ARHGEF26: variants seen among roughly 807,000 people sequenced by gnomAD.
ARHGEF26 encodes Rho guanine nucleotide exchange factor (GEF) 26.
A neutral mutation model predicts 89.4 loss-of-function variants in ARHGEF26; 59 were observed. The observed-to-expected ratio is 0.66, with a 90% CI of 0.54 to 0.82. The LOEUF (loss-of-function observed/expected upper bound fraction) is 0.82, where lower values mean the gene tolerates loss of function less well. Ranked by LOEUF, ARHGEF26 falls within the 40% of genes least tolerant of loss-of-function variation. ARHGEF26 has a pLI of 0.00. For missense variants in ARHGEF26, 1,234 were observed against 1,085.6 expected, an observed-to-expected ratio of 1.14 and a Z score of -1.92; for synonymous variants, 500 against 428.4, an observed-to-expected ratio of 1.17 and a Z score of -2.06.
At chr3:154,194,275 C>T (rs1481420891) in intron 8 of ARHGEF26, among the ~76,000 whole-genome samples, 2 of 152,178 alleles carry the variant, frequency 1.3e-5, no homozygotes, top group Non-Finnish European at 2.9e-5. Flanking sequence ...TTATCATTAA[C>T]ACTTCTAACA....
intron 9 of ARHGEF26, among the ~76,000 whole-genome samples, chr3:154,217,220 T>C (rs535175651): frequency 0.014 from 2,070 of 149,484 alleles, 41 homozygotes; most frequent in African/African-American, 0.048. Flanking sequence ...TTTTAATGAT[T>C]GCCATTCTAA....
In ARHGEF26 at chr3:154,191,319, G is replaced by A; in HGVS notation, c.1671G>A (p.Leu557=). The A allele has an allele frequency of 1.2e-6, 2 of 1,612,932 alleles. No individual in the cohort carries two copies. Among genetic ancestry groups the A allele is most frequent in the Non-Finnish European group, 1.7e-6 (2 of 1,179,444 alleles). ...CCAATCCATCCTTTAAGGAAGTATT[G>A]TCAAGGATTGAGTCCCATGAAGACT... The part of the protein sequence containing the change: ...LATNPSFKEV[L]SRIESHEDCR... The change falls in exon 8 of 15, where the codon TTG becomes TTA. Residue 557 remains leucine (L), a synonymous_variant. Transcript: ENST00000465093.
At chr3:154,195,780 A>G in intron 9 of ARHGEF26, among the ~76,000 whole-genome samples, 1 of 152,198 alleles carries the variant, frequency 6.6e-6, no homozygotes, top group Non-Finnish European at 1.5e-5. Flanking sequence ...TTTGGGAATC[A>G]TCAGCATATG....
chr3:154,184,042 G>A (rs892492565), intron 6 of ARHGEF26, among the ~76,000 whole-genome samples: 1 of 150,058 alleles, frequency 6.7e-6, no homozygotes, highest in African/African-American at 2.5e-5. Context: ...GCGCAATCTC[G>A]GCTCACTGCA....
chr3:154,144,880 C>T (rs563974978), intron 4 of ARHGEF26, among the ~76,000 whole-genome samples: 1 of 152,296 alleles, frequency 6.6e-6, no homozygotes, highest in South Asian at 2.1e-4. Flanking sequence ...GGCATATTAC[C>T]TGATGCATTT....
intron 6 of ARHGEF26, among the ~76,000 whole-genome samples, chr3:154,157,771 T>C (rs1711499584): frequency 1.3e-5 from 2 of 151,988 alleles, no homozygotes; most frequent in Admixed American, 1.3e-4. Context: ...GAGAAACAGA[T>C]TGGGGCTTAG....
intron 12 of ARHGEF26, among the ~76,000 whole-genome samples, chr3:154,249,371 G>A (rs1379534495): frequency 6.6e-6 from 1 of 152,188 alleles, no homozygotes; most frequent in Non-Finnish European, 1.5e-5. Flanking sequence ...AATTATATGA[G>A]AGACAGGACA....
chr3:154,145,961 A>G (rs1318824955), intron 4 of ARHGEF26, among the ~76,000 whole-genome samples: 1 of 152,196 alleles, frequency 6.6e-6, no homozygotes, highest in African/African-American at 2.4e-5. Context: ...TGTAACTGTG[A>G]TGAGTGTAAT....
At chr3:154,164,932 A>G (rs1711914999) in intron 6 of ARHGEF26, among the ~76,000 whole-genome samples, 1 of 152,210 alleles carries the variant, frequency 6.6e-6, no homozygotes, top group South Asian at 2.1e-4. Context: ...AGTTGAAAAG[A>G]AAGCTGGAGT....
intron 4 of ARHGEF26, among the ~76,000 whole-genome samples, chr3:154,144,353 A>T (rs1214959706): frequency 6.6e-6 from 1 of 152,140 alleles, no homozygotes; most frequent in Non-Finnish European, 1.5e-5. Flanking sequence ...TGCCTTCCTC[A>T]CAGAATTGTT....
chr3:154,169,454 A>G (rs1712277709), intron 6 of ARHGEF26, among the ~76,000 whole-genome samples: 2 of 152,080 alleles, frequency 1.3e-5, no homozygotes, highest in Admixed American at 1.3e-4. Context: ...TATACTATAA[A>G]CAAGTGTCCT....
intron 6 of ARHGEF26, among the ~76,000 whole-genome samples, chr3:154,164,578 T>C (rs1342977566): frequency 3.3e-5 from 5 of 152,094 alleles, no homozygotes; most frequent in South Asian, 4.1e-4. Flanking sequence ...TTGTCACTTG[T>C]GGGGGATTCA....
chr3:154,236,784 G>T (rs1717154995), intron 11 of ARHGEF26, among the ~76,000 whole-genome samples: 1 of 152,206 alleles, frequency 6.6e-6, no homozygotes, highest in Non-Finnish European at 1.5e-5. Context: ...TTTTATAGTA[G>T]ATTTCCTAAA....
rs143906619 is a variant in ARHGEF26 at position 154,147,442 on chromosome 3, T to C, written c.1270-1947T>C. 7.0e-3 allele frequency among the ~76,000 whole-genome samples: 1,072 copies of C among 152,306 alleles called. 15 individuals are homozygous for C. Among genetic ancestry groups the C allele is most frequent in the African/African-American group, 0.024 (1,001 of 41,566 alleles). ...TAAATAAATACGAAAAAGGAGCCTG[T>C]ACAATTTTAATTTCTTTCACTTTAT... On this transcript the variant is annotated intron_variant, in intron 4 of 14. Transcript: ENST00000465093.
chr3:154,135,761 G>C (rs1333744365), intron 4 of ARHGEF26, among the ~76,000 whole-genome samples: 1 of 152,126 alleles, frequency 6.6e-6, no homozygotes, highest in Non-Finnish European at 1.5e-5. Context: ...TGAACTTCAG[G>C]TTTTCCAAAG....
Position 154,240,405 on chromosome 3 carries a change from G to C in ARHGEF26, c.2126G>C (p.Arg709Thr), listed in dbSNP as rs1717415079. The change falls in exon 12 of 15, where the codon AGA becomes ACA. Residue 709 changes from arginine to threonine, a missense_variant. By Grantham distance (71) the Arg-to-Thr change is moderately conservative. Transcript: ENST00000465093. Reference sequence around the variant, plus strand: ...TACAACGTCAATGATTATTCCTTAAGAGATCAGCTATTGGTGGAATCTTGT... The same window carrying C: ...TACAACGTCAATGATTATTCCTTAACAGATCAGCTATTGGTGGAATCTTGT... Reference protein sequence around the residue: ...ESYNVNDYSLRDQLLVESCDN... With the variant: ...ESYNVNDYSLTDQLLVESCDN... The C allele has an allele frequency of 6.2e-7, 1 of 1,613,220 alleles. No homozygotes were observed. Among genetic ancestry groups the C allele is most frequent in the Admixed American group, 1.7e-5 (1 of 59,918 alleles).
chr3:154,161,930 A>G (rs373291524), intron 6 of ARHGEF26, among the ~76,000 whole-genome samples: 1 of 152,112 alleles, frequency 6.6e-6, no homozygotes, highest in Admixed American at 6.6e-5. Context: ...TTTTGCAGGC[A>G]TTTGGACCCA....
At chr3:154,237,538 T>TCACACACACACACACACACA (rs71152796) in intron 11 of ARHGEF26, among the ~76,000 whole-genome samples, 20 of 143,294 alleles carry the variant, frequency 1.4e-4, no homozygotes, top group East Asian at 6.4e-4. Flanking sequence ...TGAGACTCCG[T>TCACACACACACACACACACA]CACACACACA....
chr3:154,250,962 TAGAGAGAGAGAG>T (rs10535573), intron 12 of ARHGEF26, among the ~76,000 whole-genome samples: 3 of 149,280 alleles, frequency 2.0e-5, no homozygotes, highest in South Asian at 4.2e-4. Flanking sequence ...TGTCCTGTAT[TAGAGAGAGAGAG>T]AGAGAGAGAG....
Sources: allele counts gnomAD v4.1 joint callset (sites outside exome capture counted in the v4.1 genomes callset), GRCh38; gene constraint gnomAD v4.1.1; transcripts MANE v1.5; gene names NCBI Gene and HGNC (gene_info 2026-07-23, HGNC 2026-07-21).